Variants in ANK3 observed in about 807,000 individuals in gnomAD.
The protein encoded by ANK3 is ankyrin 3.
In ANK3, 57 loss-of-function variants were observed where a neutral mutation model predicts 370.9. The observed-to-expected ratio is 0.15, with a 90% confidence interval of 0.12 to 0.19. The LOEUF (loss-of-function observed/expected upper bound fraction) is 0.19. Among genes scored for constraint, ANK3 ranks in the 10% least tolerant of loss-of-function variants. The probability of loss-of-function intolerance (pLI) is 1.00; values close to 1 mark genes in which losing one functional copy is unlikely to be tolerated. For missense variants in ANK3, 4,439 were observed against 5,302.1 expected (o/e 0.84, Z 5.06); for synonymous variants, 1,929 against 1,946.3 (o/e 0.99, Z 0.23).
intron 2 of ANK3, among the ~76,000 whole-genome samples, chr10:60,493,486 G>T (rs993787855): frequency 1.1e-4 from 16 of 152,302 alleles, no homozygotes; most frequent in South Asian, 8.3e-4. Context: ...GACTCATTCA[G>T]TGGTCATGGA....
intron 2 of ANK3, among the ~76,000 whole-genome samples, chr10:60,485,527 T>C (rs149219831): frequency 6.6e-6 from 1 of 152,136 alleles, no homozygotes; most frequent in African/African-American, 2.4e-5. Context: ...CAAGGGACAC[T>C]AAACCTCTGG....
chr10:60,374,732 G>T (rs924571495), intron 1 of ANK3, among the ~76,000 whole-genome samples: 1 of 152,182 alleles, frequency 6.6e-6, no homozygotes, highest in African/African-American at 2.4e-5. Flanking sequence ...ATGAAGTGCT[G>T]TTGTCCTTTG....
At chr10:60,599,528 T>G (rs754477655) in intron 2 of ANK3, among the ~76,000 whole-genome samples, 6 of 152,168 alleles carry the variant, frequency 3.9e-5, no homozygotes, top group Non-Finnish European at 5.9e-5. Flanking sequence ...TCTGCAATAA[T>G]TTATTCCATT....
At chr10:60,601,336 C>T (rs1027840388) in intron 2 of ANK3, among the ~76,000 whole-genome samples, 1 of 151,698 alleles carries the variant, frequency 6.6e-6, no homozygotes, top group Non-Finnish European at 1.5e-5. Flanking sequence ...AGTTATAACG[C>T]AAAACATGGC....
intron 16 of ANK3, among the ~76,000 whole-genome samples, chr10:60,195,793 T>C (rs1399510014): frequency 2.0e-5 from 3 of 152,054 alleles, no homozygotes; most frequent in Admixed American, 6.5e-5. Context: ...GGCAATTATG[T>C]GGCCAGAAAA....
chr10:60,119,771 C>A (rs948256905), intron 25 of ANK3, among the ~76,000 whole-genome samples: 2 of 151,660 alleles, frequency 1.3e-5, no homozygotes, highest in African/African-American at 2.4e-5. Flanking sequence ...GACTTCATCT[C>A]AAAAAAATAA....
At position 60,652,920 on chromosome 10, in the gene ANK3, A is replaced by C. The variant is rs145555402; in HGVS notation, c.58-37696T>G. Among the ~76,000 whole-genome samples, 12 of 152,262 alleles carry C rather than the reference A, an allele frequency of 7.9e-5. No individual in the cohort carries two copies. In the East Asian group the frequency reaches 2.1e-3, roughly 27 times the overall value. On this transcript the variant is annotated intron_variant, in intron 1 of 43. Transcript: ENST00000373827. Reference sequence around the variant, plus strand: ...AAAGTGCAGGCCTTTACACATTTGCAGTTCCCCAAACACCACTCACGATGG... The same window carrying C: ...AAAGTGCAGGCCTTTACACATTTGCCGTTCCCCAAACACCACTCACGATGG...
chr10:60,094,069 G>A (rs61845772), intron 28 of ANK3, among the ~76,000 whole-genome samples: 2,073 of 152,210 alleles, frequency 0.014, 24 homozygotes, highest in Non-Finnish European at 0.021. Flanking sequence ...TGTAGGCAAG[G>A]GGGACATTTA....
intron 5 of ANK3, among the ~76,000 whole-genome samples, chr10:60,268,778 T>C (rs2097917843): frequency 1.3e-5 from 2 of 152,178 alleles, no homozygotes; most frequent in African/African-American, 4.8e-5. Flanking sequence ...TCACCAGTAT[T>C]GTAGGAAAGT....
At chr10:60,315,247 G>A (rs1422941159) in intron 1 of ANK3, among the ~76,000 whole-genome samples, 1 of 152,154 alleles carries the variant, frequency 6.6e-6, no homozygotes, top group East Asian at 1.9e-4. Flanking sequence ...AAACAGAATG[G>A]ATTCCCAACT....
At chr10:60,393,459 T>C (rs1298522755), upstream of ANK3, among the ~76,000 whole-genome samples, 3 of 152,186 alleles carry the variant, frequency 2.0e-5, no homozygotes, top group Non-Finnish European at 4.4e-5. Context: ...AGCATGAATC[T>C]TCTATAAAAA....
At chr10:60,670,333 G>C (rs2079050509) in intron 1 of ANK3, among the ~76,000 whole-genome samples, 1 of 151,656 alleles carries the variant, frequency 6.6e-6, no homozygotes, top group Admixed American at 6.6e-5. Context: ...TCCATAAATT[G>C]CACCACCACC....
intron 27 of ANK3, chr10:60,108,262 A>G (rs1359704726): frequency 4.9e-6 from 2 of 408,988 alleles, no homozygotes; most frequent in Non-Finnish European, 4.8e-6. Context: ...TTACAGGGGG[A>G]GGATTGGTAG....
At chr10:60,348,194 A>G (rs1428608059) in intron 1 of ANK3, among the ~76,000 whole-genome samples, 2 of 152,030 alleles carry the variant, frequency 1.3e-5, no homozygotes, top group Non-Finnish European at 2.9e-5. Context: ...CTGCTATTTC[A>G]TACCAAACAG....
intron 28 of ANK3, among the ~76,000 whole-genome samples, chr10:60,101,168 G>A (rs373180051): frequency 2.0e-4 from 30 of 152,266 alleles, no homozygotes; most frequent in African/African-American, 6.3e-4. Context: ...TCATCCTCGC[G>A]TATCTGGTGT....
At chr10:60,404,513 C>G (rs968721429) in intron 2 of ANK3, among the ~76,000 whole-genome samples, 1 of 152,066 alleles carries the variant, frequency 6.6e-6, no homozygotes, top group Non-Finnish European at 1.5e-5. Context: ...TGTAAAACAA[C>G]AGAATACCCA....
intron 7 of ANK3, among the ~76,000 whole-genome samples, chr10:60,246,355 G>T (rs1168832750): frequency 1.4e-5 from 2 of 142,156 alleles, no homozygotes; most frequent in African/African-American, 5.2e-5. Context: ...TTAATTAAAT[G>T]AAATAGGTCT....
intron 2 of ANK3, chr10:60,508,323 G>A (rs2075991743): frequency 1.3e-5 from 2 of 152,600 alleles, no homozygotes; most frequent in African/African-American, 4.8e-5. Context: ...CTTGCAAAGT[G>A]AATCTCATTT....
chr10:60,538,718 C>A (rs2076779423), intron 2 of ANK3, among the ~76,000 whole-genome samples: 1 of 151,876 alleles, frequency 6.6e-6, no homozygotes, highest in African/African-American at 2.4e-5. Context: ...GCATTTAAAA[C>A]TTCTAAAGGC....
Sources: gnomAD v4.1 joint callset for allele counts (sites outside exome capture counted in the v4.1 genomes callset) on GRCh38, gnomAD v4.1.1 for gene constraint, MANE v1.5 for transcripts, NCBI Gene and HGNC (gene_info 2026-07-23, HGNC 2026-07-21) for gene names.